ADAM12: variants seen among roughly 807,000 people sequenced by gnomAD.
ADAM12 encodes the protein disintegrin and metalloproteinase domain-containing protein 12.
Under a neutral mutation model 106.4 loss-of-function variants are expected in ADAM12, and 70 were observed. That is an observed-to-expected ratio of 0.66 (90% CI 0.54 to 0.80). The LOEUF is 0.80. Ranked by LOEUF, ADAM12 falls within the 30% of genes least tolerant of loss-of-function variation. ADAM12 has a pLI of 0.00. For synonymous variants in ADAM12, 420 were observed against 433.5 expected (o/e 0.97, Z 0.39); for missense variants, 1,010 against 1,171.9 (o/e 0.86, Z 2.02).
chr10:126,331,468 G>A (rs2133852799), intron 1 of ADAM12, among the ~76,000 whole-genome samples: 1 of 152,282 alleles, frequency 6.6e-6, no homozygotes, highest in Non-Finnish European at 1.5e-5. Context: ...ACATTTTACA[G>A]TTCCCCAAAT....
chr10:126,227,347 C>G (rs1484391284), intron 3 of ADAM12, among the ~76,000 whole-genome samples: 1 of 152,144 alleles, frequency 6.6e-6, no homozygotes, highest in Non-Finnish European at 1.5e-5. Flanking sequence ...CACATCACCG[C>G]TGTTATCATC....
chr10:126,249,754 T>C (rs1445714230), intron 3 of ADAM12, among the ~76,000 whole-genome samples: 4 of 152,198 alleles, frequency 2.6e-5, no homozygotes, highest in Admixed American at 1.3e-4. Context: ...TGCAATGTAA[T>C]TTAAATTGCA....
intron 3 of ADAM12, among the ~76,000 whole-genome samples, chr10:126,219,272 G>A (rs922577623): frequency 2.0e-5 from 3 of 152,214 alleles, no homozygotes; most frequent in Non-Finnish European, 2.9e-5. Flanking sequence ...TGTTGCAGTC[G>A]TCCTTAGCGC....
chr10:126,150,573 C>G (rs182060920), intron 4 of ADAM12, among the ~76,000 whole-genome samples: 41 of 152,258 alleles, frequency 2.7e-4, no homozygotes, highest in South Asian at 6.2e-4. Context: ...CCTCCCCCAC[C>G]CTCTATCCCC....
chr10:126,064,973 T>A lies in ADAM12; in HGVS notation c.1442A>T (p.Asp481Val). The A allele has an allele frequency of 6.2e-7, 1 of 1,612,106 alleles. No individual in the cohort carries two copies. The highest frequency in any genetic ancestry group is 1.1e-5 in the South Asian group (1 of 90,406). ...TGGGAGGTCACAGGAGTTGCTGGAG[T>A]CCCTGCACGCTGTTCCTGCAGGCTT... ...QLKPAGTACR[D>V]SSNSCDLPEF... The change falls in exon 14 of 23, where the codon GAC becomes GTC. Residue 481 changes from aspartate (D) to valine (V), a missense_variant. Coordinates refer to ENST00000448723, the MANE Select transcript of ADAM12 (RefSeq NM_001288973.2). The surrounding 1 kb of genome is among the most constrained non-coding windows in gnomAD (Gnocchi z 4.4).
intron 3 of ADAM12, among the ~76,000 whole-genome samples, chr10:126,231,574 C>A (rs1033777585): frequency 1.3e-5 from 2 of 152,154 alleles, no homozygotes; most frequent in African/African-American, 4.8e-5. Flanking sequence ...CTTGCCCTGG[C>A]GCAGGACTCC....
chr10:126,139,173 T>C (rs929963560), intron 4 of ADAM12, among the ~76,000 whole-genome samples: 3 of 152,226 alleles, frequency 2.0e-5, no homozygotes, highest in African/African-American at 7.2e-5. Flanking sequence ...GAAGAACTTA[T>C]ATTTTCATAA....
chr10:126,189,557 G>A lies in ADAM12; in HGVS notation c.261-34252C>T, dbSNP rs575942289. Among the ~76,000 whole-genome samples, 31 of 152,286 alleles carry A rather than the reference G, an allele frequency of 2.0e-4. 1 individual carries two copies. In the South Asian group the frequency reaches 6.0e-3, roughly 30 times the overall value. On this transcript the variant is annotated intron_variant, in intron 3 of 22. Coordinates refer to ENST00000448723, the MANE Select transcript of ADAM12 (RefSeq NM_001288973.2). ...TTTTTTGAGTGCTGACTACGTGCCAGGCATGTGCTAAACATGCATTGCCAT... is the reference window on the plus strand; with the variant it reads ...TTTTTTGAGTGCTGACTACGTGCCAAGCATGTGCTAAACATGCATTGCCAT...
chr10:126,212,630 C>T lies in ADAM12; in HGVS notation c.261-57325G>A, dbSNP rs148357647. 3.3e-3 allele frequency among the ~76,000 whole-genome samples: 503 copies of T among 152,262 alleles called. 2 individuals are homozygous for T. The highest frequency in any genetic ancestry group is 0.011 in the African/African-American group (468 of 41,560). On this transcript the variant is annotated intron_variant, in intron 3 of 22. Transcript: ENST00000448723. ...AGAAAACTGGGCTATCTTGGTTTCTCAGTCTTGCCTTGCTAATCTAATTTT... is the reference window on the plus strand; with the variant it reads ...AGAAAACTGGGCTATCTTGGTTTCTTAGTCTTGCCTTGCTAATCTAATTTT...
At chr10:126,375,729 ACTT>A (rs1207923837) in intron 1 of ADAM12, among the ~76,000 whole-genome samples, 5 of 145,324 alleles carry the variant, frequency 3.4e-5, no homozygotes, top group South Asian at 2.2e-4. Flanking sequence ...ACTAGCAATC[ACTT>A]CTTCTTCTTC....
intron 1 of ADAM12, among the ~76,000 whole-genome samples, chr10:126,369,900 T>G (rs966032105): frequency 6.6e-6 from 1 of 152,208 alleles, no homozygotes; most frequent in African/African-American, 2.4e-5. Context: ...ACCAGTAGAC[T>G]ATAGCAATAT....
At chr10:126,219,129 T>A (rs1266689744) in intron 3 of ADAM12, among the ~76,000 whole-genome samples, 1 of 152,224 alleles carries the variant, frequency 6.6e-6, no homozygotes, top group African/African-American at 2.4e-5. Context: ...TGTACAACTC[T>A]CATGGCTCAG....
intron 14 of ADAM12, among the ~76,000 whole-genome samples, chr10:126,059,370 CT>C (rs1247777675): frequency 1.3e-5 from 2 of 152,222 alleles, no homozygotes; most frequent in African/African-American, 4.8e-5. Context: ...CAACTGGAGA[CT>C]GTATTGTCCT....
At chr10:126,146,003 TAGAA>T (rs1214458139) in intron 4 of ADAM12, among the ~76,000 whole-genome samples, 1 of 152,186 alleles carries the variant, frequency 6.6e-6, no homozygotes, top group African/African-American at 2.4e-5. Context: ...GTGATACAAA[TAGAA>T]AGATGTTTTA....
chr10:126,089,332 G>A (rs1486870567), intron 11 of ADAM12, among the ~76,000 whole-genome samples: 3 of 152,194 alleles, frequency 2.0e-5, no homozygotes, highest in Non-Finnish European at 4.4e-5. Flanking sequence ...GGAGAGGTGA[G>A]TGTGGAGCGT....
At chr10:126,154,731 A>C (rs901929666) in intron 4 of ADAM12, among the ~76,000 whole-genome samples, 3 of 152,138 alleles carry the variant, frequency 2.0e-5, no homozygotes, top group African/African-American at 7.2e-5. Flanking sequence ...AAGTTCAAAT[A>C]CCAGAAACAC....
intron 11 of ADAM12, among the ~76,000 whole-genome samples, chr10:126,086,708 A>T (rs980817499): frequency 3.0e-4 from 22 of 73,588 alleles, no homozygotes; most frequent in East Asian, 5.4e-4. Flanking sequence ...TATATATATA[A>T]AATAAAATAG....
intron 3 of ADAM12, among the ~76,000 whole-genome samples, chr10:126,190,296 G>C (rs11591742): frequency 0.12 from 17,503 of 151,694 alleles, 1,281 homozygotes; most frequent in East Asian, 0.3. Flanking sequence ...CCACTTCTGG[G>C]TTCAAGCAAT....
At chr10:126,273,725 C>T (rs138171537) in intron 3 of ADAM12, among the ~76,000 whole-genome samples, 25 of 152,192 alleles carry the variant, frequency 1.6e-4, no homozygotes, top group African/African-American at 4.6e-4. Context: ...AATTTAGAAA[C>T]GCTGAAACAG....
Sources: gnomAD v4.1 joint callset for allele counts (sites outside exome capture counted in the v4.1 genomes callset) on GRCh38, gnomAD v4.1.1 for gene constraint, Gnocchi (gnomAD v3.1) non-coding constraint, MANE v1.5 for transcripts, NCBI Gene and HGNC (gene_info 2026-07-23, HGNC 2026-07-21) for gene names.